TPST2: variants seen among roughly 807,000 people sequenced by gnomAD.
TPST2 encodes the protein tyrosylprotein sulfotransferase 2, also known as protein-tyrosine sulfotransferase 2.
Under a neutral mutation model 27.8 loss-of-function variants are expected in TPST2, and 16 were observed. The ratio of observed to expected loss-of-function variants is 0.58; its 90% CI spans 0.39 to 0.88. The LOEUF is 0.88. TPST2 is among the 40% of genes least tolerant of loss of function. The pLI is 0.00. For missense variants in TPST2, 464 were observed against 543.1 expected (o/e 0.85, Z 1.45); for synonymous variants, 229 against 231.7 (o/e 0.99, Z 0.10).
chr22:26,568,659 T>C (rs1927470934), intron 1 of TPST2, among the ~76,000 whole-genome samples: 1 of 152,146 alleles, frequency 6.6e-6, no homozygotes, highest in Admixed American at 6.6e-5. Context: ...TGCCAGAAGT[T>C]ACCCTATATG....
intron 1 of TPST2, among the ~76,000 whole-genome samples, chr22:26,581,670 T>C (rs945720612): frequency 1.3e-5 from 2 of 152,194 alleles, no homozygotes; most frequent in African/African-American, 2.4e-5. Flanking sequence ...TTGCCTATGA[T>C]AGAATTGAGC....
intron 1 of TPST2, among the ~76,000 whole-genome samples, chr22:26,577,235 A>T (rs1274158293): frequency 6.7e-6 from 1 of 149,800 alleles, no homozygotes; most frequent in Non-Finnish European, 1.5e-5. Context: ...ACCGCAATCC[A>T]GCCTGGGTGA....
At chr22:26,585,257 G>A (rs920002214) in intron 1 of TPST2, among the ~76,000 whole-genome samples, 3 of 152,160 alleles carry the variant, frequency 2.0e-5, no homozygotes, top group Non-Finnish European at 4.4e-5. Context: ...AAAGTCACTC[G>A]GCAGACGGGC....
Position 26,571,859 on chromosome 22 carries a change from C to A in TPST2, c.-161+18194G>T, listed in dbSNP as rs1927641006. Among the ~76,000 whole-genome samples, 13 of 152,248 alleles carry A rather than the reference C, an allele frequency of 8.5e-5. No individual in the cohort carries two copies. The South Asian group carries it at 2.7e-3, about 32-fold the overall frequency. On this transcript the variant is annotated intron_variant, in intron 1 of 6. Transcript: ENST00000338754. Reference sequence around the variant, plus strand: ...GAGTCCTGTGCATTACACTCAACACCCCCAGGATCCAACTGTTTCTCTCCA... The same window carrying A: ...GAGTCCTGTGCATTACACTCAACACACCCAGGATCCAACTGTTTCTCTCCA...
chr22:26,579,552 A>G (rs6005084), intron 1 of TPST2, among the ~76,000 whole-genome samples: 28,909 of 152,216 alleles, frequency 0.19, 2,958 homozygotes, highest in South Asian at 0.3. Flanking sequence ...GGAAGTAGCT[A>G]CTACCACTTT....
chr22:26,527,795 C>A (rs1924921314), intron 6 of TPST2, among the ~76,000 whole-genome samples: 6 of 152,160 alleles, frequency 3.9e-5, no homozygotes, highest in Admixed American at 3.9e-4. Context: ...ATTCTTAGAA[C>A]AGAACGACTT....
intron 2 of TPST2, among the ~76,000 whole-genome samples, chr22:26,542,018 C>T (rs367990297): frequency 3.3e-5 from 5 of 151,934 alleles, no homozygotes; most frequent in Admixed American, 6.6e-5. Context: ...CCCGGTCCAG[C>T]GGATCATGAG....
chr22:26,533,194 C>T (rs1002514389), intron 4 of TPST2, among the ~76,000 whole-genome samples: 1 of 152,080 alleles, frequency 6.6e-6, no homozygotes, highest in Non-Finnish European at 1.5e-5. Context: ...GCAGGAGGAT[C>T]ACTTGAGTCC....
At chr22:26,548,296 T>A (rs1475881589) in intron 1 of TPST2, among the ~76,000 whole-genome samples, 1 of 120,886 alleles carries the variant, frequency 8.3e-6, no homozygotes, top group Admixed American at 1.1e-4. Context: ...GGGCTGTTAA[T>A]ACAGCGAGAC....
intron 1 of TPST2, among the ~76,000 whole-genome samples, chr22:26,577,255 A>C: frequency 7.0e-6 from 1 of 142,086 alleles, no homozygotes; most frequent in South Asian, 2.4e-4. Flanking sequence ...ACAGGGCAAA[A>C]CCCTGTCTTT....
At chr22:26,559,781 C>G (rs1376771833) in intron 1 of TPST2, among the ~76,000 whole-genome samples, 3 of 152,170 alleles carry the variant, frequency 2.0e-5, no homozygotes, top group Non-Finnish European at 4.4e-5. Flanking sequence ...GCCTAGGGCT[C>G]TCCCAGGTCA....
chr22:26,588,757 G>A (rs1928438492), intron 1 of TPST2, among the ~76,000 whole-genome samples: 1 of 151,788 alleles, frequency 6.6e-6, no homozygotes, highest in African/African-American at 2.4e-5. Flanking sequence ...TGCGTCGCCC[G>A]GGCCACATCA....
intron 1 of TPST2, among the ~76,000 whole-genome samples, chr22:26,579,679 G>C (rs563594211): frequency 6.6e-6 from 1 of 152,340 alleles, no homozygotes; most frequent in South Asian, 2.1e-4. Context: ...TTTAATGAGA[G>C]AAAGGAAGGG....
intron 3 of TPST2, among the ~76,000 whole-genome samples, chr22:26,537,726 T>C (rs1925547950): frequency 6.6e-6 from 1 of 152,192 alleles, no homozygotes; most frequent in Non-Finnish European, 1.5e-5. Context: ...GTGCTGGGAT[T>C]CCAGACATAA....
Position 26,540,794 on chromosome 22 carries a change from C to T in TPST2, c.837G>A (p.Leu279=). The change falls in exon 3 of 7, where the codon CTG becomes CTA. Residue 279 remains leucine, a synonymous_variant. Coordinates refer to ENST00000338754, the MANE Select transcript of TPST2 (RefSeq NM_003595.5). ...GCATCAGGGGCTCCACTCACTTGGA[C>T]AGGGAGACACCACCGGGCTTGCCAA... ...DLIGKPGGVS[L]SKIERSTDQV... 2.5e-6 allele frequency: 4 copies of T among 1,583,674 alleles called. No individual in the cohort carries two copies. Among genetic ancestry groups the T allele is most frequent in the Non-Finnish European group, 3.4e-6 (4 of 1,161,696 alleles).
intron 1 of TPST2, among the ~76,000 whole-genome samples, chr22:26,552,238 C>T (rs938546869): frequency 2.6e-5 from 4 of 152,154 alleles, no homozygotes; most frequent in African/African-American, 4.8e-5. Flanking sequence ...GGGACATACA[C>T]ACAAACTAAG....
chr22:26,524,525 TAC>T lies in TPST2; in HGVS notation c.*1748_*1749del, dbSNP rs1422372500. The T allele has an allele frequency of 1.5e-5, 2 of 134,944 alleles. No homozygotes were observed. Among genetic ancestry groups the T allele is most frequent in the East Asian group, 4.2e-4 (2 of 4,778 alleles). 8.4% of individuals were successfully genotyped at this position (134,944 alleles called of 1,614,324 possible). The stretch of plus-strand genomic sequence containing the variant: ...CTGTCTAAACACACACATACACACA[TAC>T]ACACCATGAAGTTTTAACTTCCCCA... On this transcript the variant is annotated 3_prime_UTR_variant, in exon 7 of 7. Coordinates refer to ENST00000338754, the MANE Select transcript of TPST2 (RefSeq NM_003595.5).
chr22:26,584,111 G>A (rs5761613), intron 1 of TPST2, among the ~76,000 whole-genome samples: 136,147 of 152,326 alleles, frequency 0.89, 61,190 homozygotes, highest in East Asian at 1. Context: ...AAACACACAC[G>A]TAGCATGGGA....
At chr22:26,561,449 G>A (rs994927457) in intron 1 of TPST2, among the ~76,000 whole-genome samples, 7 of 152,164 alleles carry the variant, frequency 4.6e-5, no homozygotes, top group African/African-American at 1.7e-4. Flanking sequence ...GCACAAATTA[G>A]TTATATATGG....
Sources: allele counts gnomAD v4.1 joint callset (sites outside exome capture counted in the v4.1 genomes callset), GRCh38; gene constraint gnomAD v4.1.1; transcripts MANE v1.5; gene names NCBI Gene and HGNC (gene_info 2026-07-23, HGNC 2026-07-21).